GOLGA8A: variants seen among roughly 807,000 people sequenced by gnomAD.
GOLGA8A encodes golgin A8 family member A, also known as golgin subfamily A member 8A.
In GOLGA8A, 3 loss-of-function variants were observed where a neutral mutation model predicts 22.1. The observed-to-expected ratio is 0.14, with a 90% CI of 0.06 to 0.35. GOLGA8A has a LOEUF of 0.35. GOLGA8A is among the 10% of genes least tolerant of loss of function. The pLI is 1.00. For synonymous variants in GOLGA8A, 7 were observed against 91.7 expected, an observed-to-expected ratio of 0.08 and a Z score of 5.28; for missense variants, 16 against 233.2, an observed-to-expected ratio of 0.07 and a Z score of 6.07.
chr15:34,380,334 T>C lies in GOLGA8A; in HGVS notation c.*1077A>G, dbSNP rs1891420339. 6.6e-6 allele frequency: 1 copy of C among 152,220 alleles called. No homozygotes were observed. Among genetic ancestry groups the C allele is most frequent in the African/African-American group, 2.4e-5 (1 of 41,460 alleles). 9.4% of individuals were successfully genotyped at this position (152,220 alleles called of 1,614,324 possible). ...GTCACACAGCTTTCCTTCACTCTAA[T>C]TCATTCTTGACTAGAGCCTGTATGC... On this transcript the variant is annotated 3_prime_UTR_variant, in exon 25 of 25. Coordinates refer to ENST00000359187, the MANE Select transcript of GOLGA8A (RefSeq NM_181077.5).
At chr15:34,417,951 CAGG>C (rs1892640016) in intron 2 of GOLGA8A, 1 of 139,136 alleles carries the variant, frequency 7.2e-6, no homozygotes, top group Non-Finnish European at 1.6e-5. Context: ...CTACAACACA[CAGG>C]AGAACCCTCC....
chr15:34,432,496 G>C (rs1215781445), intron 2 of GOLGA8A, among the ~76,000 whole-genome samples: 1 of 148,828 alleles, frequency 6.7e-6, no homozygotes, highest in Admixed American at 6.8e-5. Context: ...CAGCCTCCTC[G>C]TTGCAAAGTT....
intron 2 of GOLGA8A, chr15:34,416,290 A>C (rs1892572695): frequency 6.7e-6 from 1 of 149,446 alleles, no homozygotes; most frequent in Admixed American, 6.8e-5. Context: ...TTATAGATGT[A>C]ATATATTCAC....
rs1006515261 is a variant in GOLGA8A at position 34,379,873 on chromosome 15, T to C, written c.*1538A>G. 3 of 152,766 alleles carry C rather than the reference T, an allele frequency of 2.0e-5. No individual in the cohort carries two copies. The highest frequency in any genetic ancestry group is 1.9e-4 in the East Asian group (1 of 5,190). The allele number at this position is 152,766 out of a possible 1,614,324, so 9.5% of individuals were successfully genotyped here. On this transcript the variant is annotated 3_prime_UTR_variant, in exon 25 of 25. Transcript: ENST00000359187. ...ATGCATAGGCACAATCACAGAAATATTGCACAAAGTATGTCCCTGACTGAA... is the reference window on the plus strand; with the variant it reads ...ATGCATAGGCACAATCACAGAAATACTGCACAAAGTATGTCCCTGACTGAA...
At chr15:34,393,490 TA>T (rs1219300494) in intron 8 of GOLGA8A, among the ~76,000 whole-genome samples, 1 of 119,844 alleles carries the variant, frequency 8.3e-6, no homozygotes, top group African/African-American at 3.0e-5. Flanking sequence ...AACTCTGTCA[TA>T]AACCCTTTTC....
At chr15:34,431,858 A>G (rs1893269713) in intron 2 of GOLGA8A, among the ~76,000 whole-genome samples, 2 of 149,018 alleles carry the variant, frequency 1.3e-5, no homozygotes, top group Admixed American at 6.8e-5. Context: ...TCACTAGGCA[A>G]TAGGAATTTT....
chr15:34,420,472 C>T (rs1213776034), intron 2 of GOLGA8A, among the ~76,000 whole-genome samples: 1 of 147,012 alleles, frequency 6.8e-6, no homozygotes, highest in African/African-American at 2.5e-5. Flanking sequence ...CAGGAAAACC[C>T]CAGGGTCCAG....
rs951968360 is a variant in GOLGA8A at position 34,398,099 on chromosome 15, AGTCATG to A, written c.-382+529_-382+534del. 1.0e-4 allele frequency among the ~76,000 whole-genome samples: 15 copies of A among 148,058 alleles called. 2 individuals carry two copies. The highest frequency in any genetic ancestry group is 2.0e-4 in the Non-Finnish European group (13 of 65,838). ...CTTTAAACCACAAATTCTTGCTAAA[AGTCATG>A]GTCATGGTAAAAAACCTATGGCTTT... On this transcript the variant is annotated intron_variant, in intron 8 of 24. Coordinates refer to ENST00000359187, the MANE Select transcript of GOLGA8A (RefSeq NM_181077.5).
At chr15:34,409,076 TCCCACCTCTCTCC>T (rs1892302264) in intron 2 of GOLGA8A, among the ~76,000 whole-genome samples, 1 of 116,006 alleles carries the variant, frequency 8.6e-6, no homozygotes, top group African/African-American at 3.1e-5. Context: ...CTCTCCCCCC[TCCCACCTCTCTCC>T]CCCCTCCCCT....
rs369331612 is a variant in GOLGA8A at position 34,436,897 on chromosome 15, G to C, written c.-1212+501C>G. Among the ~76,000 whole-genome samples the C allele has an allele frequency of 2.7e-5, 4 of 149,780 alleles. 1 individual carries two copies. The highest frequency in any genetic ancestry group is 2.1e-4 in the South Asian group (1 of 4,710). On this transcript the variant is annotated intron_variant, in intron 1 of 24. Transcript: ENST00000359187. ...CTCTGGGCCTTATTATACAGGGAAA[G>C]GGAAGGGGCGAAGATCCGGGCTCGA...
intron 2 of GOLGA8A, among the ~76,000 whole-genome samples, chr15:34,427,279 C>T (rs1214161320): frequency 1.4e-5 from 2 of 138,308 alleles, no homozygotes; most frequent in East Asian, 4.1e-4. Context: ...TACAGTAAGC[C>T]GAGATTGTGC....
chr15:34,381,524 G>A lies in GOLGA8A; in HGVS notation c.1699C>T (p.Pro567Ser). ...ATCTCACCAAGGAGCTGCACGACTG[G>A]CTGTGCAGTAGGGTTGTCCTGGGAA... is the stretch of plus-strand genomic sequence containing the variant. ...GSSQDNPTAQ[P>S]VVQLLGEMQD... The change falls in exon 25 of 25, where the codon CCA (proline) becomes TCA (serine). Residue 567 changes from proline to serine, a missense_variant. Physicochemically the swap from Pro to Ser is moderately conservative, Grantham distance 74. Coordinates refer to ENST00000359187, the MANE Select transcript of GOLGA8A (RefSeq NM_181077.5). 9.3e-6 allele frequency: 15 copies of A among 1,612,712 alleles called. 1 individual carries two copies. The highest frequency in any genetic ancestry group is 1.3e-5 in the Non-Finnish European group (15 of 1,179,666).
At chr15:34,399,010 G>C (rs348325) in intron 7 of GOLGA8A, 145 bp downstream of exon 7, 1 of 129,040 alleles carries the variant, frequency 7.7e-6, no homozygotes. Context: ...ATTTTACTGG[G>C]TTACCTTTTT....
intron 2 of GOLGA8A, among the ~76,000 whole-genome samples, chr15:34,431,320 T>TATATATATATAC (rs1162353414): frequency 6.5e-5 from 1 of 15,330 alleles, no homozygotes; most frequent in African/African-American, 1.3e-4. Flanking sequence ...TACATATATA[T>TATATATATATAC]ATATATATAT....
intron 12 of GOLGA8A, among the ~76,000 whole-genome samples, chr15:34,386,234 T>G (rs1327226283): frequency 2.1e-5 from 3 of 141,742 alleles, no homozygotes; most frequent in South Asian, 4.7e-4. Context: ...ACACAGACCT[T>G]TGATACTCAC....
intron 2 of GOLGA8A, among the ~76,000 whole-genome samples, chr15:34,434,829 C>T (rs1197653917): frequency 6.7e-6 from 1 of 149,476 alleles, no homozygotes; most frequent in East Asian, 2.0e-4. Flanking sequence ...GTGCTCACGG[C>T]CACCTGGCAA....
chr15:34,431,321 A>C (rs1367711307), intron 2 of GOLGA8A, among the ~76,000 whole-genome samples: 4 of 14,056 alleles, frequency 2.8e-4, no homozygotes, highest in Non-Finnish European at 7.5e-4. Flanking sequence ...ACATATATAT[A>C]TATATATATA....
chr15:34,432,040 TGA>T (rs2140292992), intron 2 of GOLGA8A, among the ~76,000 whole-genome samples: 1 of 149,428 alleles, frequency 6.7e-6, no homozygotes, highest in African/African-American at 2.5e-5. Context: ...TGTCTTTGCC[TGA>T]GAGTTTCACG....
chr15:34,392,985 A>G (rs1369745227), intron 8 of GOLGA8A, among the ~76,000 whole-genome samples: 20 of 137,648 alleles, frequency 1.5e-4, no homozygotes, highest in African/African-American at 5.4e-4. Flanking sequence ...AAGAAATAAC[A>G]GAGATGTAGA....
Sources: allele counts gnomAD v4.1 joint callset (sites outside exome capture counted in the v4.1 genomes callset), GRCh38; gene constraint gnomAD v4.1.1; transcripts MANE v1.5; gene names NCBI Gene and HGNC (gene_info 2026-07-23, HGNC 2026-07-21).